The following AGBL4 variants were observed in gnomAD, a reference collection of about 807,000 sequenced individuals.
AGBL4 encodes the protein AGBL carboxypeptidase 4.
In AGBL4, 58 loss-of-function variants were observed where a neutral mutation model predicts 66.4. That is an observed-to-expected ratio of 0.87 (90% CI 0.71 to 1.09). The LOEUF (loss-of-function observed/expected upper bound fraction) is 1.09. Among genes scored for constraint, AGBL4 ranks in the 50% least tolerant of loss-of-function variants. The pLI, the probability that AGBL4 is intolerant of heterozygous loss-of-function variation, is 0.00. For missense variants in AGBL4, 579 were observed against 631.0 expected, an observed-to-expected ratio of 0.92 and a Z score of 0.88; for synonymous variants, 234 against 222.9, an observed-to-expected ratio of 1.05 and a Z score of -0.44.
At chr1:49,810,322 G>T (rs1645069845) in intron 2 of AGBL4, among the ~76,000 whole-genome samples, 1 of 151,966 alleles carries the variant, frequency 6.6e-6, no homozygotes, top group Admixed American at 6.6e-5. Flanking sequence ...AAGAAATAAT[G>T]TATGTCATTA....
intron 3 of AGBL4, among the ~76,000 whole-genome samples, chr1:49,519,370 T>C (rs1482484284): frequency 1.3e-5 from 2 of 152,088 alleles, no homozygotes; most frequent in Non-Finnish European, 2.9e-5. Flanking sequence ...CTTAAAGATG[T>C]TAACTGATAT....
At position 49,597,650 on chromosome 1, in the gene AGBL4, C is replaced by T. The variant is rs1329909588; in HGVS notation, c.282+99663G>A. ...TCTGGAATTGGCATGTTGCCAGCAG[C>T]TATACAGAAGGAAAGACAAAAGAGT... On this transcript the variant is annotated intron_variant, in intron 3 of 13. Transcript: ENST00000371839. Among the ~76,000 whole-genome samples the T allele has an allele frequency of 2.0e-5, 3 of 152,310 alleles. No homozygotes were observed. In the East Asian group the frequency reaches 5.8e-4, roughly 29 times the overall value.
chr1:49,878,504 A>G (rs1216822345), intron 1 of AGBL4, among the ~76,000 whole-genome samples: 1 of 152,184 alleles, frequency 6.6e-6, no homozygotes, highest in Middle Eastern at 3.4e-3. Context: ...TTCTACTTTG[A>G]TTGCACTGTG....
chr1:49,615,310 G>C (rs1571177997), intron 3 of AGBL4, among the ~76,000 whole-genome samples: 1 of 152,114 alleles, frequency 6.6e-6, no homozygotes, highest in South Asian at 2.1e-4. Context: ...AGCTAGAAAA[G>C]AGAATATACT....
At chr1:49,172,042 G>A (rs1433470839) in intron 4 of AGBL4, among the ~76,000 whole-genome samples, 1 of 152,152 alleles carries the variant, frequency 6.6e-6, no homozygotes, top group African/African-American at 2.4e-5. Flanking sequence ...GCTAGAGACA[G>A]ACCATAATCT....
chr1:49,132,353 G>T (rs1645916804), intron 4 of AGBL4, among the ~76,000 whole-genome samples: 1 of 152,032 alleles, frequency 6.6e-6, no homozygotes, highest in African/African-American at 2.4e-5. Flanking sequence ...AAGGAAAAAA[G>T]AAAATGACAA....
intron 3 of AGBL4, among the ~76,000 whole-genome samples, chr1:49,444,843 T>C (rs759570277): frequency 6.6e-6 from 1 of 152,082 alleles, no homozygotes; most frequent in Non-Finnish European, 1.5e-5. Flanking sequence ...ATATTCTTTG[T>C]TCCTTTCAAT....
chr1:48,975,369 G>A (rs1659233757), intron 5 of AGBL4, among the ~76,000 whole-genome samples: 1 of 152,042 alleles, frequency 6.6e-6, no homozygotes, highest in Non-Finnish European at 1.5e-5. Context: ...TGAATGTTGC[G>A]CTGGTTTGGA....
intron 8 of AGBL4, among the ~76,000 whole-genome samples, chr1:48,648,328 T>C (rs1645871902): frequency 6.6e-6 from 1 of 152,220 alleles, no homozygotes; most frequent in Admixed American, 6.5e-5. Context: ...TGTCTTTTGA[T>C]GAGTGGCTTA....
At chr1:49,026,875 G>T (rs1396835193) in intron 5 of AGBL4, among the ~76,000 whole-genome samples, 1 of 152,094 alleles carries the variant, frequency 6.6e-6, no homozygotes, top group Non-Finnish European at 1.5e-5. Context: ...TTTGTTTAAT[G>T]AATAATTTGT....
intron 1 of AGBL4, among the ~76,000 whole-genome samples, chr1:49,918,389 A>C (rs1427981348): frequency 2.6e-5 from 4 of 152,236 alleles, no homozygotes; most frequent in African/African-American, 9.6e-5. Context: ...CGCAACAAAA[A>C]ATGATAAAGG....
intron 6 of AGBL4, among the ~76,000 whole-genome samples, chr1:48,773,853 G>A (rs992659507): frequency 6.6e-6 from 1 of 152,164 alleles, no homozygotes; most frequent in South Asian, 2.1e-4. Context: ...TCACTTAGAG[G>A]ACTAACAGAG....
In AGBL4 at chr1:48,622,970, T is replaced by C. The variant is rs148796386; in HGVS notation, c.951+11523A>G. On this transcript the variant is annotated intron_variant, in intron 9 of 13. Transcript: ENST00000371839. Reference sequence around the variant, plus strand: ...AGGTAGCAAAGTTATTGAGTCAACGTTGAATTGAGATTTAAACGCGGGCCT... The same window carrying C: ...AGGTAGCAAAGTTATTGAGTCAACGCTGAATTGAGATTTAAACGCGGGCCT... 3.3e-3 allele frequency among the ~76,000 whole-genome samples: 502 copies of C among 152,252 alleles called. 2 individuals are homozygous for C. Among genetic ancestry groups the C allele is most frequent in the African/African-American group, 0.011 (461 of 41,554 alleles).
At position 49,207,469 on chromosome 1, in the gene AGBL4, TC is replaced by T. The variant is rs1229876113; in HGVS notation, c.377+38300del. Reference sequence around the variant, plus strand: ...TTCTTTCTTTCTTTTTCTTTCTTTCTCTTTCTTTCTTTTTCTTTCTTTCTTT... The same window carrying T: ...TTCTTTCTTTCTTTTTCTTTCTTTCTTTTCTTTCTTTTTCTTTCTTTCTTT... On this transcript the variant is annotated intron_variant, in intron 4 of 13. Coordinates refer to ENST00000371839, the MANE Select transcript of AGBL4 (RefSeq NM_032785.4). Among the ~76,000 whole-genome samples, 5 of 1,334 alleles carry T rather than the reference TC, an allele frequency of 3.7e-3. 1 individual carries two copies. Among genetic ancestry groups the T allele is most frequent in the African/African-American group, 0.014 (5 of 366 alleles). 0.9% of individuals were successfully genotyped at this position (1,334 alleles called of 152,430 possible).
chr1:49,923,856 T>A (rs999083285), intron 1 of AGBL4, among the ~76,000 whole-genome samples: 1 of 152,194 alleles, frequency 6.6e-6, no homozygotes, highest in Non-Finnish European at 1.5e-5. Context: ...AGAATGATTC[T>A]ACAATGTTGG....
At chr1:49,128,811 A>G (rs760473730) in intron 4 of AGBL4, among the ~76,000 whole-genome samples, 5 of 152,078 alleles carry the variant, frequency 3.3e-5, no homozygotes, top group Non-Finnish European at 7.4e-5. Flanking sequence ...TTTGGCAAAG[A>G]TTTTTTAAAT....
At chr1:49,921,025 T>A (rs558754331) in intron 1 of AGBL4, among the ~76,000 whole-genome samples, 68 of 152,140 alleles carry the variant, frequency 4.5e-4, no homozygotes, top group African/African-American at 1.6e-3. Flanking sequence ...TCACTCATAG[T>A]CGGGAACTGA....
chr1:49,035,759 G>A (rs1557583127), intron 5 of AGBL4, among the ~76,000 whole-genome samples: 1 of 151,978 alleles, frequency 6.6e-6, no homozygotes. Flanking sequence ...TAGGTGGGGA[G>A]CTCTCTCCTG....
chr1:49,664,706 T>C (rs1237159929), intron 3 of AGBL4, among the ~76,000 whole-genome samples: 1 of 152,118 alleles, frequency 6.6e-6, no homozygotes, highest in Non-Finnish European at 1.5e-5. Context: ...ATTCAGTGTA[T>C]CCCACATTTC....
Sources: gnomAD v4.1 joint callset for allele counts (sites outside exome capture counted in the v4.1 genomes callset) on GRCh38, gnomAD v4.1.1 for gene constraint, MANE v1.5 for transcripts, NCBI Gene and HGNC (gene_info 2026-07-23, HGNC 2026-07-21) for gene names.